The following PTPRM variants were observed in gnomAD, a reference collection of about 807,000 sequenced individuals.
PTPRM encodes the protein protein tyrosine phosphatase receptor type M, also known as receptor-type tyrosine-protein phosphatase mu.
PTPRM carries 47 observed loss-of-function variants against 186.7 expected under a neutral mutation model. The observed-to-expected ratio is 0.25, with a 90% CI of 0.20 to 0.32. The LOEUF (loss-of-function observed/expected upper bound fraction) is 0.32. PTPRM is among the 10% of genes least tolerant of loss of function. The probability of loss-of-function intolerance (pLI) is 1.00; values close to 1 mark genes in which losing one functional copy is unlikely to be tolerated. For missense variants in PTPRM, 1,494 were observed against 1,865.0 expected (o/e 0.80, Z 3.66); for synonymous variants, 668 against 674.9 (o/e 0.99, Z 0.16).
intron 1 of PTPRM, among the ~76,000 whole-genome samples, chr18:7,638,706 T>C (rs1412110889): frequency 6.6e-6 from 1 of 152,218 alleles, no homozygotes; most frequent in African/African-American, 2.4e-5. Context: ...TTAGGTTAGT[T>C]CTTATGCTAA....
At chr18:8,194,200 CTCT>C (rs945811215) in intron 14 of PTPRM, among the ~76,000 whole-genome samples, 2 of 152,326 alleles carry the variant, frequency 1.3e-5, no homozygotes, top group South Asian at 4.1e-4. Context: ...ATGCCATCTC[CTCT>C]TCTTATCATT....
intron 7 of PTPRM, among the ~76,000 whole-genome samples, chr18:8,030,534 G>A (rs1433921914): frequency 6.6e-6 from 1 of 152,224 alleles, no homozygotes; most frequent in Non-Finnish European, 1.5e-5. Context: ...GTAATAGCCT[G>A]TGGACCTTGG....
chr18:8,238,869 G>C (rs933223131), intron 14 of PTPRM, among the ~76,000 whole-genome samples: 13 of 151,218 alleles, frequency 8.6e-5, no homozygotes, highest in Non-Finnish European at 1.5e-4. Flanking sequence ...CTCCCCCACC[G>C]TTAGTTGGGA....
intron 14 of PTPRM, among the ~76,000 whole-genome samples, chr18:8,190,864 A>G (rs1163514692): frequency 6.6e-6 from 1 of 152,274 alleles, no homozygotes; most frequent in Non-Finnish European, 1.5e-5. Context: ...TATTATTACT[A>G]GAATGACTTT....
At chr18:7,640,653 A>G (rs999826420) in intron 1 of PTPRM, among the ~76,000 whole-genome samples, 34 of 152,102 alleles carry the variant, frequency 2.2e-4, no homozygotes, top group African/African-American at 7.7e-4. Flanking sequence ...CACTAGAACC[A>G]TGGGGAAAGG....
At chr18:7,691,673 G>C (rs189568985) in intron 1 of PTPRM, among the ~76,000 whole-genome samples, 1 of 152,284 alleles carries the variant, frequency 6.6e-6, no homozygotes, top group Admixed American at 6.5e-5. Flanking sequence ...TTGGTACTTT[G>C]GGAGGTTGAG....
intron 26 of PTPRM, 156 bp downstream of exon 26, chr18:8,376,753 C>A: frequency 1.2e-6 from 1 of 812,846 alleles, no homozygotes; most frequent in Non-Finnish European, 1.7e-6. Flanking sequence ...CTCCCTTCCC[C>A]CTTTTTGTTT....
intron 4 of PTPRM, among the ~76,000 whole-genome samples, chr18:7,915,335 C>T (rs182272218): frequency 6.6e-6 from 1 of 152,018 alleles, no homozygotes; most frequent in African/African-American, 2.4e-5. Flanking sequence ...GACAAGTGGG[C>T]CTGTAAATTT....
Position 7,638,450 on chromosome 18 carries a change from C to T in PTPRM, c.73+70559C>T, listed in dbSNP as rs912759974. ...TGAAAAGAATTATCCATGTTTCTGC[C>T]TGCCCCATGTTGTATAAATTTCTCT... is the stretch of plus-strand genomic sequence containing the variant. On this transcript the variant is annotated intron_variant, in intron 1 of 32. Transcript: ENST00000580170. Among the ~76,000 whole-genome samples, 16 of 152,262 alleles carry T rather than the reference C, an allele frequency of 1.1e-4. No homozygotes were observed. The South Asian group carries it at 2.1e-3, about 20-fold the overall frequency.
At chr18:8,359,790 T>A (rs940502534) in intron 23 of PTPRM, among the ~76,000 whole-genome samples, 1 of 152,238 alleles carries the variant, frequency 6.6e-6, no homozygotes, top group Non-Finnish European at 1.5e-5. Flanking sequence ...GGACGCAATA[T>A]GGGACAGTCT....
chr18:8,072,642 T>G (rs2089556082), intron 8 of PTPRM, among the ~76,000 whole-genome samples: 1 of 152,148 alleles, frequency 6.6e-6, no homozygotes, highest in African/African-American at 2.4e-5. Flanking sequence ...AAAGTTATAA[T>G]TCATTGAACA....
At chr18:8,397,195 C>T (rs2095849353) in intron 32 of PTPRM, among the ~76,000 whole-genome samples, 1 of 152,244 alleles carries the variant, frequency 6.6e-6, no homozygotes, top group African/African-American at 2.4e-5. Context: ...GGCCCTCGCC[C>T]CAGCCCCACC....
intron 1 of PTPRM, among the ~76,000 whole-genome samples, chr18:7,649,245 A>G (rs955377315): frequency 7.9e-5 from 12 of 152,328 alleles, no homozygotes; most frequent in Admixed American, 7.2e-4. Context: ...ATTACTGCTC[A>G]TTGACAATGC....
chr18:7,784,775 G>A (rs1163624669), intron 2 of PTPRM, among the ~76,000 whole-genome samples: 2 of 152,144 alleles, frequency 1.3e-5, no homozygotes, highest in Admixed American at 6.6e-5. Context: ...TGTGTGCAAG[G>A]TGCTGTTCCA....
chr18:8,398,004 A>T (rs78456018), intron 32 of PTPRM, among the ~76,000 whole-genome samples: 7 of 152,274 alleles, frequency 4.6e-5, no homozygotes, highest in African/African-American at 1.7e-4. Flanking sequence ...TCTGCAGGTA[A>T]TTACACACTT....
intron 1 of PTPRM, among the ~76,000 whole-genome samples, chr18:7,636,582 A>G (rs2038318796): frequency 2.6e-5 from 4 of 152,082 alleles, no homozygotes; most frequent in Admixed American, 2.6e-4. Context: ...CTTCCTAGAG[A>G]AGCCTACAGC....
intron 7 of PTPRM, among the ~76,000 whole-genome samples, chr18:7,994,108 G>A (rs554626132): frequency 7.4e-4 from 112 of 152,146 alleles, no homozygotes; most frequent in African/African-American, 2.6e-3. Context: ...TAGATTGAAA[G>A]TGAAGAGATG....
intron 13 of PTPRM, among the ~76,000 whole-genome samples, chr18:8,140,304 A>G (rs546857614): frequency 6.6e-4 from 101 of 152,238 alleles, no homozygotes; most frequent in Non-Finnish European, 1.2e-3. Context: ...CCAGTGGCTG[A>G]GTACATCGTG....
intron 32 of PTPRM, chr18:8,403,145 C>T (rs908947279): frequency 1.3e-5 from 2 of 152,200 alleles, no homozygotes; most frequent in African/African-American, 4.8e-5. Flanking sequence ...GTGGGGCACT[C>T]AGACCCATGA....
Sources: gnomAD v4.1 joint callset for allele counts (sites outside exome capture counted in the v4.1 genomes callset) on GRCh38, gnomAD v4.1.1 for gene constraint, MANE v1.5 for transcripts, NCBI Gene and HGNC (gene_info 2026-07-23, HGNC 2026-07-21) for gene names.